VGLL3: variants seen among roughly 807,000 people sequenced by gnomAD.
VGLL3 encodes the protein vestigial like family member 3.
In VGLL3, 18 loss-of-function variants were observed where a neutral mutation model predicts 29.2. The observed-to-expected ratio is 0.62, with a 90% CI of 0.43 to 0.91. VGLL3 has a LOEUF of 0.91. VGLL3 is among the 40% of genes least tolerant of loss of function. VGLL3 has a pLI of 0.00. For missense variants in VGLL3, 440 were observed against 413.2 expected, an observed-to-expected ratio of 1.06 and a Z score of -0.56; for synonymous variants, 180 against 151.8, an observed-to-expected ratio of 1.19 and a Z score of -1.36.
chr3:86,976,497 A>T (rs563255292), intron 2 of VGLL3, among the ~76,000 whole-genome samples: 1 of 152,374 alleles, frequency 6.6e-6, no homozygotes. Context: ...TTTGCTGAAT[A>T]TGTCAATGAA....
At chr3:86,978,348 A>G (rs980953829) in intron 2 of VGLL3, among the ~76,000 whole-genome samples, 178 bp downstream of exon 2, 12 of 152,174 alleles carry the variant, frequency 7.9e-5, no homozygotes, top group African/African-American at 2.7e-4. Context: ...CCAACCCTAC[A>G]TTCCACATGT....
intron 3 of VGLL3, among the ~76,000 whole-genome samples, chr3:86,955,707 T>A (rs540900208): frequency 6.4e-4 from 97 of 152,248 alleles, no homozygotes; most frequent in Non-Finnish European, 3.5e-4. Context: ...CACTTTTATG[T>A]GACATGAACA....
chr3:86,964,885 G>GC (rs1553705813), intron 3 of VGLL3, among the ~76,000 whole-genome samples: 1 of 152,038 alleles, frequency 6.6e-6, no homozygotes, highest in Non-Finnish European at 1.5e-5. Context: ...TTAGGCCGGC[G>GC]CAAGTGGCTC....
intron 3 of VGLL3, among the ~76,000 whole-genome samples, chr3:86,956,972 T>G (rs1453183562): frequency 6.6e-6 from 1 of 152,216 alleles, no homozygotes; most frequent in African/African-American, 2.4e-5. Flanking sequence ...ATTGAAGTTT[T>G]GTTGAGCCTA....
At chr3:86,982,084 G>A (rs1705336449) in intron 1 of VGLL3, among the ~76,000 whole-genome samples, 4 of 152,046 alleles carry the variant, frequency 2.6e-5, no homozygotes, top group Non-Finnish European at 1.5e-5. Context: ...CATAGACTCT[G>A]GTGCCTCAAC....
chr3:86,967,118 G>T (rs2107012629), intron 3 of VGLL3, among the ~76,000 whole-genome samples: 1 of 151,980 alleles, frequency 6.6e-6, no homozygotes, highest in South Asian at 2.1e-4. Flanking sequence ...CCCCCTTATT[G>T]GTAGAATTCA....
chr3:86,957,861 A>C (rs1704754249), intron 3 of VGLL3, among the ~76,000 whole-genome samples: 1 of 152,054 alleles, frequency 6.6e-6, no homozygotes, highest in Non-Finnish European at 1.5e-5. Flanking sequence ...TACATAAATA[A>C]ACATGTATAT....
intron 2 of VGLL3, among the ~76,000 whole-genome samples, chr3:86,975,804 A>G (rs1421190412): frequency 2.6e-5 from 4 of 152,116 alleles, no homozygotes; most frequent in African/African-American, 9.7e-5. Flanking sequence ...TGATAAACTG[A>G]TGTAAAAAGC....
In VGLL3 at chr3:86,940,441, TATAATC is replaced by T. The variant is rs1296927238; in HGVS notation, c.*6577_*6582del. On this transcript the variant is annotated 3_prime_UTR_variant, in exon 4 of 4. Transcript: ENST00000398399. ...TCTTTTCCATTATAAACATGTATTT[TATAATC>T]TATTCCTTGCTGTAACATATAGACT... The T allele has an allele frequency of 1.3e-5, 2 of 152,624 alleles. No homozygotes were observed. The highest frequency in any genetic ancestry group is 2.4e-5 in the African/African-American group (1 of 41,460). 9.5% of individuals were successfully genotyped at this position (152,624 alleles called of 1,614,324 possible).
At chr3:86,970,483 GCACACACACA>G (rs10694503) in intron 2 of VGLL3, among the ~76,000 whole-genome samples, 55 of 141,264 alleles carry the variant, frequency 3.9e-4, no homozygotes, top group East Asian at 1.7e-3. Context: ...TTACACACAC[GCACACACACA>G]CACACACACA....
chr3:86,978,538 G>T lies in VGLL3; in HGVS notation c.391C>A (p.Pro131Thr), dbSNP rs778110112. 5 of 1,614,138 alleles carry T rather than the reference G, an allele frequency of 3.1e-6. No individual in the cohort carries two copies. The Admixed American group carries it at 8.3e-5, about 27-fold the overall frequency. ...AISKSKMGLT[P>T]LWRDSSALSS... Reference sequence around the variant, plus strand: ...TTTGAATTCTTACCTCGCCATAGGGGGGTTAGCCCCATCTTGCTTTTTGAA... The same window carrying T: ...TTTGAATTCTTACCTCGCCATAGGGTGGTTAGCCCCATCTTGCTTTTTGAA... Residue 131 changes from proline to threonine, a missense_variant, in exon 2 of 4, where the codon CCC (proline) becomes ACC (threonine). By Grantham distance (38) the Pro-to-Thr change is conservative (BLOSUM62 -1). Transcript: ENST00000398399.
intron 3 of VGLL3, among the ~76,000 whole-genome samples, chr3:86,967,737 T>C (rs1358783562): frequency 1.3e-5 from 2 of 152,122 alleles, no homozygotes; most frequent in South Asian, 2.1e-4. Flanking sequence ...AATGATCAAT[T>C]TGTCGTTTTG....
At chr3:86,957,312 C>T (rs1394538227) in intron 3 of VGLL3, among the ~76,000 whole-genome samples, 1 of 152,154 alleles carries the variant, frequency 6.6e-6, no homozygotes, top group East Asian at 1.9e-4. Context: ...AGCTAATCTT[C>T]AAGAACAGGA....
intron 1 of VGLL3, among the ~76,000 whole-genome samples, chr3:86,982,335 G>A (rs1575879857): frequency 2.0e-5 from 3 of 151,960 alleles, no homozygotes; most frequent in Middle Eastern, 3.4e-3. Context: ...TCGTAGAGAC[G>A]GGGTTTCACT....
chr3:86,990,292 T>C, intron 1 of VGLL3: 1 of 984,808 alleles, frequency 1.0e-6, no homozygotes, highest in Non-Finnish European at 1.2e-6. Context: ...GAAAGGAAGT[T>C]TACTCACATG....
Position 86,968,699 on chromosome 3 carries a change from C to A in VGLL3, c.828G>T (p.Gln276His). 1 of 1,614,168 alleles carries A rather than the reference C, an allele frequency of 6.2e-7. No individual in the cohort carries two copies. Among genetic ancestry groups the A allele is most frequent in the Non-Finnish European group, 8.5e-7 (1 of 1,180,042 alleles). ...SVHAARIPAP[Q>H]CDITKTEPTT... The stretch of plus-strand genomic sequence containing the variant: ...TTGGTTCTGTCTTTGTGATGTCACA[C>A]TGGGGAGCAGGAATCCTGGCCGCAT... The change falls in exon 3 of 4, where the codon CAG becomes CAT. Residue 276 changes from glutamine (Q) to histidine (H), a missense_variant. Gln to His is a conservative substitution (Grantham distance 24). Transcript: ENST00000398399.
Position 86,969,078 on chromosome 3 carries a change from A to AAGGAAGTT in VGLL3, c.441_448dup (p.Phe150Ter). Reference sequence around the variant, plus strand: ...TGGGGGCTGGTAAGAGCTGGTCCAAAAGGAAGTTGGGAAACTATTCCGCTG... The same window carrying AAGGAAGTT: ...TGGGGGCTGGTAAGAGCTGGTCCAAAAGGAAGTTAGGAAGTTGGGAAACTATTCCGCTG... On this transcript the variant is annotated stop_gained and frameshift_variant, in exon 3 of 4. Coordinates refer to ENST00000398399, the MANE Select transcript of VGLL3 (RefSeq NM_016206.4). LOFTEE classifies it high-confidence loss of function. The AAGGAAGTT allele has an allele frequency of 6.2e-7, 1 of 1,610,488 alleles. No individual in the cohort carries two copies. The highest frequency in any genetic ancestry group is 8.5e-7 in the Non-Finnish European group (1 of 1,177,488).
At chr3:86,962,914 A>C (rs140557397) in intron 3 of VGLL3, 72 of 171,250 alleles carry the variant, frequency 4.2e-4, no homozygotes, top group South Asian at 3.7e-3. Flanking sequence ...TCACTATTCA[A>C]AATAGTGACT....
chr3:86,943,821 G>A lies in VGLL3; in HGVS notation c.*3203C>T, dbSNP rs1321297546. The A allele has an allele frequency of 1.3e-5, 2 of 152,144 alleles. No individual in the cohort carries two copies. Among genetic ancestry groups the A allele is most frequent in the East Asian group, 3.9e-4 (2 of 5,160 alleles). The allele number at this position is 152,144 out of a possible 1,614,324, so 9.4% of individuals were successfully genotyped here. ...GTTTCTTAGCTCCCGATGGTTTATT[G>A]GTGGAAGCATAGATTCTATTTAAAA... On this transcript the variant is annotated 3_prime_UTR_variant, in exon 4 of 4. Transcript: ENST00000398399.
Sources: gnomAD v4.1 joint callset for allele counts (sites outside exome capture counted in the v4.1 genomes callset) on GRCh38, gnomAD v4.1.1 for gene constraint, MANE v1.5 for transcripts, NCBI Gene and HGNC (gene_info 2026-07-23, HGNC 2026-07-21) for gene names.